The following ZNF827 variants were observed in gnomAD, a reference collection of about 807,000 sequenced individuals.
ZNF827 encodes zinc finger protein 827.
In ZNF827, 13 loss-of-function variants were observed where a neutral mutation model predicts 102.4. The ratio of observed to expected loss-of-function variants is 0.13; its 90% CI spans 0.08 to 0.20. The LOEUF (loss-of-function observed/expected upper bound fraction) is 0.20. Among genes scored for constraint, ZNF827 ranks in the 10% least tolerant of loss-of-function variants. ZNF827 has a pLI of 1.00. For synonymous variants in ZNF827, 523 were observed against 536.2 expected (o/e 0.98, Z 0.34); for missense variants, 1,103 against 1,344.4 (o/e 0.82, Z 2.81).
intron 6 of ZNF827, 105 bp from the exon 7 acceptor site, chr4:145,846,118 G>T: frequency 9.1e-7 from 1 of 1,100,038 alleles, no homozygotes; most frequent in Non-Finnish European, 1.3e-6. Flanking sequence ...TTTTTCCTTT[G>T]TGGTTTTCTT....
chr4:145,906,835 G>A (rs1751907774), intron 1 of ZNF827, among the ~76,000 whole-genome samples: 1 of 152,206 alleles, frequency 6.6e-6, no homozygotes, highest in African/African-American at 2.4e-5. Context: ...GTTGTTTGCA[G>A]ACTCGATCAC....
intron 6 of ZNF827, among the ~76,000 whole-genome samples, chr4:145,848,696 C>A (rs1005564360): frequency 2.6e-5 from 4 of 152,142 alleles, no homozygotes; most frequent in East Asian, 1.9e-4. Flanking sequence ...ACAGAAGGAA[C>A]AACTTAGGTA....
At chr4:145,800,009 T>C (rs1298504310) in intron 8 of ZNF827, among the ~76,000 whole-genome samples, 1 of 66,742 alleles carries the variant, frequency 1.5e-5, no homozygotes, top group Non-Finnish European at 3.3e-5. Flanking sequence ...GGCCTTTTTT[T>C]TACAGCCATC....
chr4:145,766,267 T>A (rs1735282866), intron 11 of ZNF827, among the ~76,000 whole-genome samples: 3 of 152,060 alleles, frequency 2.0e-5, no homozygotes, highest in African/African-American at 7.2e-5. Context: ...TACAAACAAG[T>A]CAGCAGACCA....
chr4:145,856,768 G>A (rs1190293260), intron 5 of ZNF827, among the ~76,000 whole-genome samples: 2 of 144,232 alleles, frequency 1.4e-5, no homozygotes, highest in Admixed American at 1.4e-4. Context: ...AGCAAACCAC[G>A]AGACCAAGCC....
intron 4 of ZNF827, among the ~76,000 whole-genome samples, chr4:145,881,127 G>A (rs571732185): frequency 1.3e-5 from 2 of 152,338 alleles, no homozygotes; most frequent in South Asian, 4.1e-4. Flanking sequence ...GTAGAACAAA[G>A]GCCAATGGAA....
At chr4:145,821,712 C>T (rs1295574476) in intron 8 of ZNF827, among the ~76,000 whole-genome samples, 1 of 152,118 alleles carries the variant, frequency 6.6e-6, no homozygotes, top group Non-Finnish European at 1.5e-5. Flanking sequence ...CTCAGTTATG[C>T]TGACCTTCTC....
chr4:145,882,096 T>C (rs28590383), intron 4 of ZNF827, among the ~76,000 whole-genome samples: 68,346 of 151,996 alleles, frequency 0.45, 15,600 homozygotes, highest in Admixed American at 0.54. Flanking sequence ...TGGCTATGGG[T>C]GACAAGGCAC....
At position 145,897,323 on chromosome 4, in the gene ZNF827, G is replaced by C. The variant is rs188747260; in HGVS notation, c.1093+4843C>G. 4.4e-3 allele frequency among the ~76,000 whole-genome samples: 677 copies of C among 152,244 alleles called. 9 individuals are homozygous for C. The highest frequency in any genetic ancestry group is 5.8e-3 in the East Asian group (30 of 5,184). ...CAAATGTAACTGTTTTGTAGGCTTCGAAATCAAACTTCCTGTTGTTCAATC... is the reference window on the plus strand; with the variant it reads ...CAAATGTAACTGTTTTGTAGGCTTCCAAATCAAACTTCCTGTTGTTCAATC... On this transcript the variant is annotated intron_variant, in intron 2 of 14. Transcript: ENST00000508784.
intron 1 of ZNF827, among the ~76,000 whole-genome samples, chr4:145,916,809 A>G (rs939863616): frequency 2.6e-5 from 4 of 152,208 alleles, no homozygotes. Context: ...CATTTTGCTT[A>G]GAAATTTCTC....
At chr4:145,885,601 A>C in intron 4 of ZNF827, 77 bp downstream of exon 4, 1 of 1,451,370 alleles carries the variant, frequency 6.9e-7, no homozygotes, top group Non-Finnish European at 9.0e-7. Context: ...GAATACTGGT[A>C]GACAGAGACA....
intron 8 of ZNF827, among the ~76,000 whole-genome samples, chr4:145,796,779 G>A (rs576540776): frequency 2.6e-5 from 4 of 152,126 alleles, no homozygotes; most frequent in East Asian, 1.9e-4. Context: ...ACAGATGCCC[G>A]CTACCACGCC....
At chr4:145,770,126 A>C (rs1295474320) in intron 11 of ZNF827, among the ~76,000 whole-genome samples, 1 of 152,016 alleles carries the variant, frequency 6.6e-6, no homozygotes, top group African/African-American at 2.4e-5. Context: ...GCAAAACCCC[A>C]TCTCTACTAA....
At chr4:145,880,294 C>T (rs1749555834) in intron 4 of ZNF827, among the ~76,000 whole-genome samples, 1 of 152,216 alleles carries the variant, frequency 6.6e-6, no homozygotes, top group East Asian at 1.9e-4. Context: ...GACTCCTAAC[C>T]TCTCCATTTC....
At chr4:145,857,866 A>G (rs1221526854) in intron 5 of ZNF827, among the ~76,000 whole-genome samples, 2 of 152,200 alleles carry the variant, frequency 1.3e-5, no homozygotes, top group Non-Finnish European at 2.9e-5. Flanking sequence ...GCCATTTGGT[A>G]ACATTCCAAA....
At chr4:145,937,776 G>T (rs1326321740) in intron 1 of ZNF827, among the ~76,000 whole-genome samples, 1 of 148,938 alleles carries the variant, frequency 6.7e-6, no homozygotes, top group African/African-American at 2.5e-5. Context: ...CGGCTCGGGG[G>T]CCGACCAACC....
At chr4:145,783,207 G>A (rs558886618) in intron 8 of ZNF827, among the ~76,000 whole-genome samples, 36 of 152,292 alleles carry the variant, frequency 2.4e-4, no homozygotes, top group Middle Eastern at 3.4e-3. Flanking sequence ...CTCAGCATTA[G>A]CACAATCTCT....
At chr4:145,781,195 C>CAAAAAAAAAAAAAAAAAAAA (rs10605153) in intron 8 of ZNF827, among the ~76,000 whole-genome samples, 15 of 56,548 alleles carry the variant, frequency 2.7e-4, no homozygotes, top group African/African-American at 4.0e-4. Context: ...GACACCATCT[C>CAAAAAAAAAAAAAAAAAAAA]AAAAAAAAAA....
intron 7 of ZNF827, chr4:145,835,020 G>A (rs556441984): frequency 1.0e-3 from 156 of 152,306 alleles, no homozygotes; most frequent in African/African-American, 3.4e-3. Context: ...CTTGCTACAC[G>A]TGCCGGAAAT....
Sources: gnomAD v4.1 joint callset for allele counts (sites outside exome capture counted in the v4.1 genomes callset) on GRCh38, gnomAD v4.1.1 for gene constraint, MANE v1.5 for transcripts, NCBI Gene and HGNC (gene_info 2026-07-23, HGNC 2026-07-21) for gene names.